Variants in ZNF883 observed in about 807,000 individuals in gnomAD.
The protein encoded by ZNF883 is zinc finger protein 883.
Position 113,006,892 on chromosome 9 carries a change from ATTT to A in ZNF883, n.165+4246_165+4248del, listed in dbSNP as rs749054640. ...ATCTTTCTGAGCAAAGACTATGGTA[ATTT>A]TTTAAAAAAAAAAATCTTGGCTGGG... On this transcript the variant is annotated intron_variant and non_coding_transcript_variant, in intron 2 of 4. Coordinates refer to the ZNF883 transcript ENST00000638622. Among the ~76,000 whole-genome samples the A allele has an allele frequency of 1.7e-4, 23 of 137,472 alleles. No homozygotes were observed. In the East Asian group the frequency reaches 4.9e-3, roughly 29 times the overall value. The allele number at this position is 137,472 out of a possible 152,430, so 90.2% of individuals were successfully genotyped here.
At chr9:112,991,678 C>T (rs1286634764) in intron 1 of ZNF883, among the ~76,000 whole-genome samples, 1 of 151,938 alleles carries the variant, frequency 6.6e-6, no homozygotes, top group East Asian at 1.9e-4. Flanking sequence ...TTGAAAGCGG[C>T]ATGTTAAAGT....
At chr9:112,998,209 T>C in exon 1 of ZNF883, 3 of 1,613,708 alleles carry the variant, frequency 1.9e-6, no homozygotes, top group Non-Finnish European at 1.7e-6. Flanking sequence ...CTTTCCCACA[T>C]TCAGTACAGA....
chr9:112,989,486 G>A (rs58045079), intron 1 of ZNF883, among the ~76,000 whole-genome samples: 4 of 151,996 alleles, frequency 2.6e-5, no homozygotes, highest in Non-Finnish European at 4.4e-5. Context: ...TCTATGTGTC[G>A]TTTTTGGACC....
upstream of ZNF883, chr9:112,998,306 C>T (rs75939690): frequency 0.067 from 95,596 of 1,427,856 alleles, 3,575 homozygotes; most frequent in East Asian, 0.11. Flanking sequence ...TCATTTTTGT[C>T]GGTATGTAAT....
At chr9:113,000,321 A>T (rs1828410765), upstream of ZNF883, among the ~76,000 whole-genome samples, 1 of 152,096 alleles carries the variant, frequency 6.6e-6, no homozygotes, top group African/African-American at 2.4e-5. Context: ...ATAATAAAAA[A>T]CTCTCACACT....
At chr9:112,996,886 G>A (rs373337797), downstream of ZNF883, among the ~76,000 whole-genome samples, 101 of 137,818 alleles carry the variant, frequency 7.3e-4, no homozygotes, top group South Asian at 5.2e-3. Context: ...CTTTCTAAAT[G>A]TCTTTAAAAA....
exon 1 of ZNF883, chr9:112,997,214 T>G (rs753905444): frequency 1.2e-6 from 2 of 1,613,866 alleles, no homozygotes; most frequent in Non-Finnish European, 1.7e-6. Context: ...AGTACATTGA[T>G]AGGGTCTCTC....
At chr9:112,991,096 T>C (rs1482153928) in intron 1 of ZNF883, among the ~76,000 whole-genome samples, 1 of 151,936 alleles carries the variant, frequency 6.6e-6, no homozygotes, top group Non-Finnish European at 1.5e-5. Flanking sequence ...TTTGTGTCTC[T>C]ATCCACTCTG....
chr9:112,996,642 T>C (rs1828357140), downstream of ZNF883, among the ~76,000 whole-genome samples: 1 of 149,730 alleles, frequency 6.7e-6, no homozygotes, highest in Admixed American at 6.6e-5. Context: ...ATACAAAAAA[T>C]TAGCCGGGCG....
chr9:112,997,796 C>T, exon 1 of ZNF883: 1 of 1,613,378 alleles, frequency 6.2e-7, no homozygotes, highest in Non-Finnish European at 8.5e-7. Flanking sequence ...ACATTCAGTA[C>T]ATTCATATGG....
chr9:112,997,687 G>A, exon 1 of ZNF883: 1 of 1,612,222 alleles, frequency 6.2e-7, no homozygotes, highest in Non-Finnish European at 8.5e-7. Context: ...ATGTACTGTG[G>A]CAAAAAACTT....
chr9:113,005,205 A>G (rs1352043815), intron 2 of ZNF883, among the ~76,000 whole-genome samples: 1 of 152,154 alleles, frequency 6.6e-6, no homozygotes, highest in Non-Finnish European at 1.5e-5. Context: ...AGATTTGACT[A>G]TACAAACAGA....
chr9:112,994,585 A>C (rs1240654562), downstream of ZNF883, among the ~76,000 whole-genome samples: 3 of 151,996 alleles, frequency 2.0e-5, no homozygotes, highest in African/African-American at 7.2e-5. Context: ...TTATTTTTCC[A>C]ATTTTTCCCA....
chr9:112,995,697 C>G (rs1305109026), downstream of ZNF883, among the ~76,000 whole-genome samples: 1 of 126,544 alleles, frequency 7.9e-6, no homozygotes, highest in Admixed American at 7.8e-5. Flanking sequence ...ATTTTTACAG[C>G]ATCTATTAAG....
At chr9:112,991,091 G>T (rs1268381609) in intron 1 of ZNF883, among the ~76,000 whole-genome samples, 1 of 151,722 alleles carries the variant, frequency 6.6e-6, no homozygotes, top group Non-Finnish European at 1.5e-5. Flanking sequence ...GGTTATTTGT[G>T]TCTCTATCCA....
At chr9:112,992,126 T>G (rs1374580416), downstream of ZNF883, among the ~76,000 whole-genome samples, 1 of 152,188 alleles carries the variant, frequency 6.6e-6, no homozygotes, top group African/African-American at 2.4e-5. Flanking sequence ...CCGTCATCAT[T>G]GTGCTAGCTG....
chr9:113,005,250 T>C (rs947834611), intron 2 of ZNF883, among the ~76,000 whole-genome samples: 3 of 152,000 alleles, frequency 2.0e-5, no homozygotes, highest in African/African-American at 7.2e-5. Flanking sequence ...AAAAGACATA[T>C]TGGGAGTAAA....
intron 2 of ZNF883, among the ~76,000 whole-genome samples, chr9:113,006,770 T>C (rs1489418261): frequency 6.6e-6 from 1 of 152,224 alleles, no homozygotes. Flanking sequence ...TCTCTTCTTC[T>C]ACAGCTAAGC....
exon 1 of ZNF883, chr9:112,997,849 G>A (rs1029327412): frequency 1.9e-6 from 3 of 1,613,278 alleles, no homozygotes; most frequent in Admixed American, 1.7e-5. Context: ...TAAGGGCAGA[G>A]ATATGGCTGA....
Sources: gnomAD v4.1 joint callset for allele counts (sites outside exome capture counted in the v4.1 genomes callset) on GRCh38, gnomAD v4.1.1 for gene constraint, MANE v1.5 for transcripts, NCBI Gene and HGNC (gene_info 2026-07-23, HGNC 2026-07-21) for gene names.